GPC3: variants seen among roughly 807,000 people sequenced by gnomAD.
GPC3 encodes the protein glypican 3, also known as glypican-3.
GPC3 carries 3 observed loss-of-function variants against 34.4 expected under a neutral mutation model. The ratio of observed to expected loss-of-function variants is 0.09; its 90% confidence interval spans 0.04 to 0.23. The LOEUF is 0.23. Ranked by LOEUF, GPC3 falls within the 10% of genes least tolerant of loss-of-function variation. GPC3 has a pLI of 1.00. For synonymous variants in GPC3, 177 were observed against 174.0 expected, an observed-to-expected ratio of 1.02 and a Z score of -0.13; for missense variants, 351 against 445.6, an observed-to-expected ratio of 0.79 and a Z score of 1.91.
chrX:133,965,342 A>G (rs915790793), intron 1 of GPC3, among the ~76,000 whole-genome samples: 1 of 111,430 alleles, frequency 9.0e-6, no homozygotes, highest in Non-Finnish European at 1.9e-5. Context: ...ACACCTGGAT[A>G]GGACTGGACT....
intron 3 of GPC3, among the ~76,000 whole-genome samples, chrX:133,701,519 CAT>C (rs1395444835): frequency 8.9e-6 from 1 of 112,390 alleles, no homozygotes; most frequent in African/African-American, 3.2e-5. Flanking sequence ...TCCTCAAAAA[CAT>C]AGCCATCCAA....
intron 2 of GPC3, among the ~76,000 whole-genome samples, chrX:133,900,472 C>G (rs1160657844): frequency 9.0e-6 from 1 of 111,584 alleles, no homozygotes; most frequent in Non-Finnish European, 1.9e-5. Flanking sequence ...TAGCTATGGT[C>G]CCTGAGGAAA....
In GPC3 at chrX:133,668,075, C is replaced by T. The variant is rs183198709; in HGVS notation, c.1293-6225G>A. On this transcript the variant is annotated intron_variant, in intron 5 of 7. Coordinates refer to ENST00000370818, the MANE Select transcript of GPC3 (RefSeq NM_004484.4). ...CTGCCACCACACCTGGCTAATTTTT[C>T]GTATTTTTAGTAGAGACGGGGTTTT... 4.9e-3 allele frequency among the ~76,000 whole-genome samples: 522 copies of T among 106,731 alleles called. 3 individuals are homozygous for T. The highest frequency in any genetic ancestry group is 0.017 in the African/African-American group (496 of 29,403). 92.7% of individuals were successfully genotyped at this position (106,731 alleles called of 115,157 possible). A position where few individuals can be genotyped will look rare whatever the true frequency, so the allele number is the denominator to read the frequency against.
intron 3 of GPC3, among the ~76,000 whole-genome samples, chrX:133,702,743 C>G: frequency 9.0e-6 from 1 of 111,593 alleles, no homozygotes; most frequent in East Asian, 2.8e-4. Context: ...TTCCAAGGCT[C>G]TGTGTGGGGT....
At chrX:133,642,832 A>AGAAGT (rs1243637638) in intron 6 of GPC3, among the ~76,000 whole-genome samples, 1 of 110,271 alleles carries the variant, frequency 9.1e-6, no homozygotes, top group Non-Finnish European at 1.9e-5. Flanking sequence ...AAGAAAGAAA[A>AGAAGT]GAAGTGCATA....
intron 2 of GPC3, among the ~76,000 whole-genome samples, chrX:133,893,126 G>A (rs941299411): frequency 3.6e-5 from 4 of 110,779 alleles, no homozygotes; most frequent in Non-Finnish European, 5.7e-5. Flanking sequence ...ACGTAGTGGC[G>A]GGCACCTGTA....
At chrX:133,983,241 G>C (rs1248055581) in intron 1 of GPC3, among the ~76,000 whole-genome samples, 1 of 112,642 alleles carries the variant, frequency 8.9e-6, no homozygotes. Context: ...CTAAAGCAGG[G>C]AACGTTGGGT....
At chrX:133,739,131 A>C (rs1164143018) in intron 3 of GPC3, among the ~76,000 whole-genome samples, 1 of 111,382 alleles carries the variant, frequency 9.0e-6, no homozygotes, top group Non-Finnish European at 1.9e-5. Context: ...GTTTGGAACT[A>C]TCTGTGGTTT....
At chrX:133,602,167 T>C (rs1603186179) in intron 6 of GPC3, among the ~76,000 whole-genome samples, 1 of 111,489 alleles carries the variant, frequency 9.0e-6, no homozygotes, top group East Asian at 2.8e-4. Flanking sequence ...AAGTCAGGCA[T>C]AGAAAGATAA....
chrX:133,960,482 C>A (rs1443954620), intron 1 of GPC3, among the ~76,000 whole-genome samples: 1 of 111,429 alleles, frequency 9.0e-6, no homozygotes, highest in Non-Finnish European at 1.9e-5. Flanking sequence ...TTAATAACTA[C>A]AAATTGTCAA....
chrX:133,568,711 G>A (rs1465712453), intron 7 of GPC3, among the ~76,000 whole-genome samples: 1 of 110,949 alleles, frequency 9.0e-6, no homozygotes, highest in Admixed American at 9.6e-5. Flanking sequence ...TGGAAAGCAT[G>A]GGTAGCATTT....
intron 2 of GPC3, among the ~76,000 whole-genome samples, chrX:133,885,783 T>C (rs888672029): frequency 8.9e-6 from 1 of 112,129 alleles, no homozygotes; most frequent in Non-Finnish European, 1.9e-5. Context: ...TTAAATGTTG[T>C]ATTTGTGCAT....
intron 6 of GPC3, among the ~76,000 whole-genome samples, chrX:133,598,791 T>C (rs1370597067): frequency 8.9e-6 from 1 of 111,909 alleles, no homozygotes; most frequent in African/African-American, 3.2e-5. Context: ...TTTTGTATCA[T>C]CATCCATGGG....
At chrX:133,622,582 A>T (rs1234300699) in intron 6 of GPC3, among the ~76,000 whole-genome samples, 3 of 112,109 alleles carry the variant, frequency 2.7e-5, no homozygotes, top group Non-Finnish European at 5.6e-5. Context: ...GTGACTGAAG[A>T]TCAAATGAAT....
chrX:133,680,878 T>C (rs923455228), intron 5 of GPC3, among the ~76,000 whole-genome samples: 2 of 111,711 alleles, frequency 1.8e-5, no homozygotes, highest in African/African-American at 6.5e-5. Context: ...CGCACACCCT[T>C]AGATGCAAAT....
chrX:133,824,039 G>A (rs1289293673), intron 2 of GPC3, among the ~76,000 whole-genome samples: 3 of 99,716 alleles, frequency 3.0e-5, no homozygotes, highest in African/African-American at 7.7e-5. Flanking sequence ...ATCCCCTAGA[G>A]CACTAAAAAC....
At chrX:133,965,098 G>C (rs1213081280) in intron 1 of GPC3, among the ~76,000 whole-genome samples, 1 of 111,562 alleles carries the variant, frequency 9.0e-6, no homozygotes, top group Non-Finnish European at 1.9e-5. Flanking sequence ...TTACAGTAGA[G>C]AGTTCTGGTA....
In GPC3 at chrX:133,953,293, C is replaced by T. The variant is rs768421568; in HGVS notation, c.176-82G>A. 75 of 707,052 alleles carry T rather than the reference C, an allele frequency of 1.1e-4. No individual in the cohort carries two copies. In the East Asian group the frequency reaches 2.3e-3, roughly 22 times the overall value. 58.3% of individuals were successfully genotyped at this position (707,052 alleles called of 1,213,427 possible). The stretch of plus-strand genomic sequence containing the variant: ...ACACCCACACCACCCCCACCCCCTA[C>T]ACACACACTCACACATGGCAAACAG... On this transcript the variant is annotated intron_variant, in intron 1 of 7. Transcript: ENST00000370818.
intron 2 of GPC3, among the ~76,000 whole-genome samples, chrX:133,812,781 T>A (rs1359226846): frequency 1.8e-5 from 2 of 112,453 alleles, no homozygotes; most frequent in Non-Finnish European, 3.8e-5. Flanking sequence ...TGGCTCCCTG[T>A]GAGCCTCTCT....
Sources: allele counts gnomAD v4.1 joint callset (sites outside exome capture counted in the v4.1 genomes callset), GRCh38; gene constraint gnomAD v4.1.1; transcripts MANE v1.5; gene names NCBI Gene and HGNC (gene_info 2026-07-23, HGNC 2026-07-21).